The following ROBO2 variants were observed in gnomAD, a reference collection of about 807,000 sequenced individuals.
ROBO2 encodes roundabout homolog 2.
Under a neutral mutation model 160.8 loss-of-function variants are expected in ROBO2, and 53 were observed. The observed-to-expected ratio is 0.33, with a 90% CI of 0.26 to 0.41. The LOEUF is 0.41. ROBO2 is among the 10% of genes least tolerant of loss of function. The pLI is 1.00. For synonymous variants in ROBO2, 664 were observed against 611.7 expected (o/e 1.09, Z -1.26); for missense variants, 1,577 against 1,722.4 (o/e 0.92, Z 1.49).
intron 2 of ROBO2, among the ~76,000 whole-genome samples, chr3:76,305,141 C>A (rs528893902): frequency 2.0e-5 from 3 of 151,758 alleles, no homozygotes; most frequent in Non-Finnish European, 2.9e-5. Context: ...TTAATTGAAG[C>A]ATTTTGGGAG....
intron 2 of ROBO2, among the ~76,000 whole-genome samples, chr3:76,525,981 A>G (rs1333290876): frequency 6.6e-6 from 1 of 152,002 alleles, no homozygotes; most frequent in Admixed American, 6.6e-5. Flanking sequence ...AATTGATCCT[A>G]TTCTTATTCA....
At chr3:75,917,420 C>T (rs557046362) in intron 1 of ROBO2, among the ~76,000 whole-genome samples, 1 of 152,300 alleles carries the variant, frequency 6.6e-6, no homozygotes, top group South Asian at 2.1e-4. Context: ...GACACATTTT[C>T]TTCATCCGGT....
rs370927353 is a variant in ROBO2 at position 77,222,168 on chromosome 3, A to G, written c.388+123828A>G. 3.2e-4 allele frequency among the ~76,000 whole-genome samples: 48 copies of G among 152,154 alleles called. 1 individual carries two copies. Among genetic ancestry groups the G allele is most frequent in the African/African-American group, 1.0e-3 (43 of 41,514 alleles). On this transcript the variant is annotated intron_variant, in intron 2 of 25. Coordinates refer to ENST00000461745, the Ensembl canonical transcript of ROBO2. ...GCCCGGCCCAATGGACTCTCAATAC[A>G]CTATCTTACTTTACCCTCCTGTCCA... is the stretch of plus-strand genomic sequence containing the variant.
At chr3:76,195,192 T>TG (rs1434522274) in intron 2 of ROBO2, among the ~76,000 whole-genome samples, 1 of 152,168 alleles carries the variant, frequency 6.6e-6, no homozygotes, top group African/African-American at 2.4e-5. Flanking sequence ...CCTTGAGTAT[T>TG]GGGGATATTG....
intron 2 of ROBO2, among the ~76,000 whole-genome samples, chr3:76,653,554 G>A (rs2091350200): frequency 6.6e-6 from 1 of 151,856 alleles, no homozygotes; most frequent in South Asian, 2.1e-4. Flanking sequence ...GGAAAATGCT[G>A]ATTCTTATAT....
chr3:76,430,976 A>C, intron 2 of ROBO2, among the ~76,000 whole-genome samples: 1 of 152,096 alleles, frequency 6.6e-6, no homozygotes, highest in East Asian at 1.9e-4. Flanking sequence ...AGTTTTCTCA[A>C]ACTAATAAAA....
At chr3:76,434,256 T>A in intron 2 of ROBO2, 1 of 1,005,380 alleles carries the variant, frequency 9.9e-7, no homozygotes, top group Admixed American at 1.7e-5. Flanking sequence ...GCGAGCGCTG[T>A]TGGTTACAGA....
chr3:76,588,063 G>A (rs1047418741), intron 2 of ROBO2, among the ~76,000 whole-genome samples: 9 of 152,182 alleles, frequency 5.9e-5, no homozygotes, highest in East Asian at 5.8e-4. Context: ...GTTTAAAATC[G>A]TGCATGAATA....
chr3:76,053,097 T>C (rs1417634852), intron 2 of ROBO2, among the ~76,000 whole-genome samples: 2 of 152,038 alleles, frequency 1.3e-5, no homozygotes, highest in African/African-American at 4.8e-5. Flanking sequence ...AGTGGTCATG[T>C]TGGCCAGACT....
At chr3:76,648,492 G>A (rs551313543) in intron 2 of ROBO2, among the ~76,000 whole-genome samples, 1 of 151,960 alleles carries the variant, frequency 6.6e-6, no homozygotes, top group African/African-American at 2.4e-5. Flanking sequence ...ATTATCTAGG[G>A]TGGCCTGAAT....
chr3:76,167,650 A>C (rs2072887237), intron 2 of ROBO2, among the ~76,000 whole-genome samples: 1 of 152,132 alleles, frequency 6.6e-6, no homozygotes, highest in Admixed American at 6.5e-5. Flanking sequence ...GTTAGCACCT[A>C]TTTGTCTCCT....
At chr3:76,939,474 T>C (rs1413728559) in intron 2 of ROBO2, among the ~76,000 whole-genome samples, 4 of 152,102 alleles carry the variant, frequency 2.6e-5, no homozygotes, top group Admixed American at 2.6e-4. Context: ...TAAAGGCTTG[T>C]GAACAAAAAG....
intron 2 of ROBO2, among the ~76,000 whole-genome samples, chr3:77,366,783 G>GACAGAGAGAGAGATACAGAGAGAT (rs2070942532): frequency 6.6e-6 from 1 of 151,958 alleles, no homozygotes; most frequent in Middle Eastern, 3.2e-3. Context: ...GAGAGAAAGA[G>GACAGAGAGAGAGATACAGAGAGAT]ACAGAGAGAG....
At chr3:76,758,700 A>G (rs540107741) in intron 2 of ROBO2, among the ~76,000 whole-genome samples, 1 of 151,936 alleles carries the variant, frequency 6.6e-6, no homozygotes, top group Admixed American at 6.6e-5. Context: ...CTACAAACAT[A>G]TGGTTGATAG....
intron 2 of ROBO2, among the ~76,000 whole-genome samples, chr3:76,249,209 G>A (rs1432178140): frequency 6.6e-6 from 1 of 152,076 alleles, no homozygotes; most frequent in South Asian, 2.1e-4. Flanking sequence ...AAAACTTAGT[G>A]TAGTAAGAAA....
intron 2 of ROBO2, among the ~76,000 whole-genome samples, chr3:76,001,156 A>G (rs74871100): frequency 0.011 from 1,604 of 152,318 alleles, 18 homozygotes; most frequent in Middle Eastern, 0.044. Flanking sequence ...GTACATTAGC[A>G]CTAACGAAGC....
chr3:76,677,547 T>G (rs1275767439), intron 2 of ROBO2, among the ~76,000 whole-genome samples: 3 of 152,120 alleles, frequency 2.0e-5, no homozygotes, highest in African/African-American at 4.8e-5. Flanking sequence ...CAATCATGTT[T>G]CCTCAGGTCA....
intron 2 of ROBO2, among the ~76,000 whole-genome samples, chr3:77,419,885 T>C (rs1166086774): frequency 6.6e-6 from 1 of 152,134 alleles, no homozygotes; most frequent in East Asian, 1.9e-4. Flanking sequence ...ATGACCACCA[T>C]AGTGTATTCC....
At chr3:76,865,984 G>C (rs932545750) in intron 2 of ROBO2, among the ~76,000 whole-genome samples, 1 of 152,038 alleles carries the variant, frequency 6.6e-6, no homozygotes, top group East Asian at 1.9e-4. Context: ...GTATAAGAGA[G>C]CTTTTCAATA....
Sources: gnomAD v4.1 joint callset for allele counts (sites outside exome capture counted in the v4.1 genomes callset) on GRCh38, gnomAD v4.1.1 for gene constraint, MANE v1.5 for transcripts, NCBI Gene and HGNC (gene_info 2026-07-23, HGNC 2026-07-21) for gene names.